MGAT4B: variants seen among roughly 807,000 people sequenced by gnomAD.
The protein encoded by MGAT4B is N-acetylglucosaminyltransferase IVb.
In MGAT4B, 38 loss-of-function variants were observed where a neutral mutation model predicts 73.9. The observed-to-expected ratio is 0.51, with a 90% CI of 0.40 to 0.67. The LOEUF is 0.67. MGAT4B is among the 30% of genes least tolerant of loss of function. The pLI is 0.00. For synonymous variants in MGAT4B, 373 were observed against 313.5 expected (o/e 1.19, Z -2.01); for missense variants, 686 against 735.2 (o/e 0.93, Z 0.77).
In MGAT4B at chr5:179,801,318, G is replaced by A. The variant is rs771940934; in HGVS notation, c.558+16C>T. 2.1e-5 allele frequency: 33 copies of A among 1,601,758 alleles called. 1 individual carries two copies. Among genetic ancestry groups the A allele is most frequent in the South Asian group, 5.5e-5 (5 of 90,522 alleles). ...TCCTCTGAATGTCCCCCAACCCCGC[G>A]TCCCGGCTCACTCGCCTCGGCGATC... On this transcript the variant is annotated intron_variant, in intron 4 of 14. Coordinates refer to ENST00000292591, the MANE Select transcript of MGAT4B (RefSeq NM_014275.5). The surrounding 1 kb of genome is among the most constrained non-coding windows in gnomAD (Gnocchi z 4.8).
chr5:179,802,220 G>T (rs1218745067), intron 1 of MGAT4B: 3 of 1,458,960 alleles, frequency 2.1e-6, no homozygotes, highest in Admixed American at 2.8e-5. Context: ...TTTATCCTCT[G>T]AGAAGGCATC....
intron 9 of MGAT4B, 28 bp downstream of exon 9, chr5:179,799,478 C>T: frequency 1.9e-6 from 3 of 1,613,210 alleles, no homozygotes; most frequent in Non-Finnish European, 2.5e-6. Flanking sequence ...TGGCCCTGCC[C>T]CTGCCAGTCC....
chr5:179,802,195 C>T, intron 1 of MGAT4B: 15 of 1,486,194 alleles, frequency 1.0e-5, no homozygotes, highest in South Asian at 1.4e-5. Flanking sequence ...AGTACTCTCC[C>T]CCACCGGGGG....
In MGAT4B at chr5:179,801,239, C is replaced by G. The variant is rs553237794; in HGVS notation, c.558+95G>C. The G allele has an allele frequency of 2.7e-6, 4 of 1,457,848 alleles. No homozygotes were observed. The highest frequency in any genetic ancestry group is 4.9e-5 in the Admixed American group (2 of 41,082). The allele number at this position is 1,457,848 out of a possible 1,614,324, so 90.3% of individuals were successfully genotyped here. ...GCGAATGAAACTAGCAACTGAACTT[C>G]CGACAGCTTTCTCCTCGGAATGGTT... On this transcript the variant is annotated intron_variant, in intron 4 of 14. Coordinates refer to ENST00000292591, the MANE Select transcript of MGAT4B (RefSeq NM_014275.5). The surrounding 1 kb of genome is among the most constrained non-coding windows in gnomAD (Gnocchi z 4.8).
In MGAT4B at chr5:179,799,007, C is replaced by T. The variant is rs781374590; in HGVS notation, c.1264G>A (p.Glu422Lys). Residue 422 changes from glutamate (E) to lysine (K), a missense_variant, in exon 11 of 15, where the codon GAG becomes AAG. Physicochemically the swap from Glu to Lys is moderately conservative, Grantham distance 56. Coordinates refer to ENST00000292591, the MANE Select transcript of MGAT4B (RefSeq NM_014275.5). ...GGGGTGAAGGCCCAGAAGAAGTCCT[C>T]GCGCAGGTAGGCTTTCTCCAGGGTG... ...HFTLEKAYLR[E>K]DFFWAFTPAA... The T allele has an allele frequency of 4.3e-6, 7 of 1,613,790 alleles. No individual in the cohort carries two copies. The highest frequency in any genetic ancestry group is 3.3e-5 in the Admixed American group (2 of 60,012).
chr5:179,805,191 CA>C (rs557999939), intron 1 of MGAT4B: 2 of 152,456 alleles, frequency 1.3e-5, no homozygotes, highest in Non-Finnish European at 2.9e-5. Flanking sequence ...CTGCGGGAGG[CA>C]CACACTGGCT....
At chr5:179,799,754 G>C (rs368641127) in intron 8 of MGAT4B, 118 bp from the exon 9 acceptor site, 1 of 1,469,660 alleles carries the variant, frequency 6.8e-7, no homozygotes, top group Non-Finnish European at 9.4e-7. Context: ...TGGGCATAAC[G>C]GGGCAGGGAG....
chr5:179,799,127 G>A lies in MGAT4B; in HGVS notation c.1150-6C>T, dbSNP rs1178437061. The A allele has an allele frequency of 6.2e-7, 1 of 1,613,874 alleles. No individual in the cohort carries two copies. The highest frequency in any genetic ancestry group is 1.3e-5 in the African/African-American group (1 of 74,950). ...TGCTTTCCAAAGTCTTTGTCCTGCA[G>A]CGGAGGAGGGACAGCAGTGATGGCG... On this transcript the variant is annotated splice_region_variant and splice_polypyrimidine_tract_variant and intron_variant, in intron 10 of 14. Coordinates refer to ENST00000292591, the MANE Select transcript of MGAT4B (RefSeq NM_014275.5).
chr5:179,799,741 G>T (rs1425891367), intron 8 of MGAT4B, 105 bp from the exon 9 acceptor site: 2 of 1,547,568 alleles, frequency 1.3e-6, no homozygotes, highest in African/African-American at 2.7e-5. Context: ...CTTCAGGCAG[G>T]TGTGGGCATA....
At chr5:179,802,315 G>C (rs540683927) in intron 1 of MGAT4B, 2 of 1,365,158 alleles carry the variant, frequency 1.5e-6, no homozygotes. Flanking sequence ...CGCTCCATCC[G>C]TTGGCCTCCA....
Position 179,797,845 on chromosome 5 carries a change from C to T in MGAT4B, c.*200G>A. 1 of 677,972 alleles carries T rather than the reference C, an allele frequency of 1.5e-6. No individual in the cohort carries two copies. The highest frequency in any genetic ancestry group is 2.4e-6 in the Non-Finnish European group (1 of 420,372). The allele number at this position is 677,972 out of a possible 1,614,324, so 42.0% of individuals were successfully genotyped here. ...GGCACAGTGTGGGGGCCGCCTGCCT[C>T]CTCCGCGGCCCGGCGGGCGGGGGCA... On this transcript the variant is annotated 3_prime_UTR_variant, in exon 15 of 15. Transcript: ENST00000292591.
chr5:179,800,282 A>T (rs916809546), intron 6 of MGAT4B, 23 bp from the exon 7 acceptor site: 1 of 1,612,420 alleles, frequency 6.2e-7, no homozygotes, highest in East Asian at 2.2e-5. Context: ...GCGGGGCCTC[A>T]GAAGTTCAGA....
intron 1 of MGAT4B, chr5:179,802,440 G>A (rs1756986590): frequency 9.2e-7 from 1 of 1,087,708 alleles, no homozygotes; most frequent in East Asian, 6.1e-5. Context: ...ACCCTGCACT[G>A]GATTCTTAGC....
rs1255696854 is a variant in MGAT4B, at chr5:179,798,581, G to A, written c.1354C>T (p.Arg452Cys). Residue 452 changes from arginine to cysteine, a missense_variant, in exon 12 of 15, where the codon CGC becomes TGC. This residue lies in a region of MGAT4B where 449 missense variants were observed against 536.8 expected (regional missense o/e 0.84). Coordinates refer to ENST00000292591, the MANE Select transcript of MGAT4B (RefSeq NM_014275.5). Reference sequence around the variant, plus strand: ...TCCGGGTGCTCGATGTTCCCACTGCGGAAGAAGAACCTGCAGCCAGGCAGG... The same window carrying A: ...TCCGGGTGCTCGATGTTCCCACTGCAGAAGAAGAACCTGCAGCCAGGCAGG... ...QPLRLERFFF[R>C]SGNIEHPEDK... 2.5e-6 allele frequency: 4 copies of A among 1,613,334 alleles called. No homozygotes were observed. The highest frequency in any genetic ancestry group is 1.6e-4 in the Middle Eastern group (1 of 6,082).
Position 179,801,299 on chromosome 5 carries a change from G to T in MGAT4B, c.558+35C>A. 2 of 1,587,060 alleles carry T rather than the reference G, an allele frequency of 1.3e-6. No individual in the cohort carries two copies. The highest frequency in any genetic ancestry group is 1.7e-6 in the Non-Finnish European group (2 of 1,162,770). The stretch of plus-strand genomic sequence containing the variant: ...AGTTCTGCACCGCGGGGGCTCCTCT[G>T]AATGTCCCCCAACCCCGCGTCCCGG... On this transcript the variant is annotated intron_variant, in intron 4 of 14. Coordinates refer to ENST00000292591, the MANE Select transcript of MGAT4B (RefSeq NM_014275.5). The surrounding 1 kb of genome is among the most constrained non-coding windows in gnomAD (Gnocchi z 4.8).
intron 1 of MGAT4B, 200 bp from the exon 2 acceptor site, chr5:179,802,169 G>A (rs1756976197): frequency 1.3e-6 from 2 of 1,503,002 alleles, no homozygotes; most frequent in East Asian, 4.6e-5. Context: ...AAAACCAGGG[G>A]AATTAGCCCT....
At chr5:179,802,260 G>A in intron 1 of MGAT4B, 7 of 1,419,616 alleles carry the variant, frequency 4.9e-6, no homozygotes, top group Non-Finnish European at 6.4e-6. Flanking sequence ...CCAGACCTAG[G>A]TAGGTGGATC....
chr5:179,805,761 G>A (rs1757122516), intron 1 of MGAT4B, among the ~76,000 whole-genome samples: 1 of 152,228 alleles, frequency 6.6e-6, no homozygotes, highest in South Asian at 2.1e-4. Flanking sequence ...TCCAGGCCGG[G>A]GGAAGAGCGC....
intron 9 of MGAT4B, 92 bp downstream of exon 9, chr5:179,799,414 T>A (rs1478477422): frequency 6.2e-7 from 1 of 1,605,118 alleles, no homozygotes; most frequent in East Asian, 2.2e-5. Flanking sequence ...CAGTGCTCTA[T>A]GTGAGCAGAT....
Sources: gnomAD v4.1 joint callset for allele counts (sites outside exome capture counted in the v4.1 genomes callset) on GRCh38, gnomAD v4.1.1 for gene constraint, gnomAD v4.1.1 regional missense constraint, Gnocchi (gnomAD v3.1) non-coding constraint, MANE v1.5 for transcripts, NCBI Gene and HGNC (gene_info 2026-07-23, HGNC 2026-07-21) for gene names.